The following ARHGEF3 variants were observed in gnomAD, a reference collection of about 807,000 sequenced individuals.
ARHGEF3 encodes Rho guanine nucleotide exchange factor 3.
ARHGEF3 carries 28 observed loss-of-function variants against 63.2 expected under a neutral mutation model. The observed-to-expected ratio is 0.44, with a 90% CI of 0.33 to 0.61. The LOEUF is 0.61. Among genes scored for constraint, ARHGEF3 ranks in the 20% least tolerant of loss-of-function variants. The pLI, the probability that ARHGEF3 is intolerant of heterozygous loss-of-function variation, is 0.03. For missense variants in ARHGEF3, 533 were observed against 659.3 expected, an observed-to-expected ratio of 0.81 and a Z score of 2.10; for synonymous variants, 266 against 254.2, an observed-to-expected ratio of 1.05 and a Z score of -0.44.
At chr3:56,871,223 C>T (rs1415661850) in intron 4 of ARHGEF3, among the ~76,000 whole-genome samples, 2 of 152,210 alleles carry the variant, frequency 1.3e-5, no homozygotes, top group African/African-American at 4.8e-5. Context: ...AAAATATTCA[C>T]TTTATATTTT....
At chr3:56,964,642 C>G (rs1003263755) in intron 2 of ARHGEF3, among the ~76,000 whole-genome samples, 1 of 152,134 alleles carries the variant, frequency 6.6e-6, no homozygotes, top group Non-Finnish European at 1.5e-5. Context: ...GCATTCAGAT[C>G]CACCCTGTTC....
At chr3:56,786,456 G>T (rs1476828697) in intron 1 of ARHGEF3, among the ~76,000 whole-genome samples, 3 of 152,154 alleles carry the variant, frequency 2.0e-5, no homozygotes, top group Non-Finnish European at 2.9e-5. Flanking sequence ...TTTGGGAGGG[G>T]TGTATGTGCA....
chr3:56,987,104 A>G (rs1196910803), intron 2 of ARHGEF3, among the ~76,000 whole-genome samples: 1 of 152,124 alleles, frequency 6.6e-6, no homozygotes, highest in East Asian at 1.9e-4. Context: ...CCCAGCTACT[A>G]GGAAGGCTAA....
At chr3:56,927,766 A>AAAAC (rs561256893) in intron 3 of ARHGEF3, among the ~76,000 whole-genome samples, 12 of 152,298 alleles carry the variant, frequency 7.9e-5, no homozygotes, top group African/African-American at 1.2e-4. Flanking sequence ...TGACCCATAA[A>AAAAC]AAACAAACAA....
chr3:56,846,482 T>C (rs1331548368), intron 4 of ARHGEF3, among the ~76,000 whole-genome samples: 1 of 152,174 alleles, frequency 6.6e-6, no homozygotes, highest in African/African-American at 2.4e-5. Flanking sequence ...AAACTTTTTT[T>C]AATAGATGTA....
At chr3:56,789,396 G>A (rs1363941013) in intron 1 of ARHGEF3, among the ~76,000 whole-genome samples, 1 of 152,190 alleles carries the variant, frequency 6.6e-6, no homozygotes, top group Non-Finnish European at 1.5e-5. Flanking sequence ...GTTCTTTGAC[G>A]CTTTGAAAAG....
rs57740672 is a variant in ARHGEF3 at position 56,992,375 on chromosome 3, T to TAAAAAAAAAA, written c.63-33496_63-33487dup. On this transcript the variant is annotated intron_variant, in intron 2 of 12. Transcript: ENST00000338458. ...GGTCCTATGGTAGGGAGGATGGCTTTAAAAAAAAAAAAAAAAAAAAAAAAA... is the reference window on the plus strand; with the variant it reads ...GGTCCTATGGTAGGGAGGATGGCTTTAAAAAAAAAAAAAAAAAAAAAAAAAAAAAAAAAAA... Among the ~76,000 whole-genome samples the TAAAAAAAAAA allele has an allele frequency of 1.0e-3, 46 of 46,146 alleles. 3 individuals are homozygous for TAAAAAAAAAA. The highest frequency in any genetic ancestry group is 1.3e-3 in the Non-Finnish European group (21 of 16,588). The allele number at this position is 46,146 out of a possible 152,430, so 30.3% of individuals were successfully genotyped here.
intron 4 of ARHGEF3, among the ~76,000 whole-genome samples, chr3:56,839,271 G>C: frequency 6.6e-6 from 1 of 151,942 alleles, no homozygotes; most frequent in Non-Finnish European, 1.5e-5. Context: ...ATATATTCTT[G>C]TGTATTAGTA....
chr3:56,994,064 CAAA>C (rs60299557), intron 2 of ARHGEF3, among the ~76,000 whole-genome samples: 37 of 59,722 alleles, frequency 6.2e-4, no homozygotes, highest in African/African-American at 2.1e-3. Context: ...AACTTCGTCT[CAAA>C]AAAAAAAAAA....
At chr3:56,949,710 G>A (rs1315491050) in intron 3 of ARHGEF3, among the ~76,000 whole-genome samples, 2 of 151,968 alleles carry the variant, frequency 1.3e-5, no homozygotes, top group Non-Finnish European at 2.9e-5. Flanking sequence ...ACTGCCCAAG[G>A]TAATTTATAG....
chr3:57,013,019 G>A (rs998963360), intron 2 of ARHGEF3, among the ~76,000 whole-genome samples: 1 of 152,192 alleles, frequency 6.6e-6, no homozygotes, highest in African/African-American at 2.4e-5. Flanking sequence ...GCCAGGCTGC[G>A]GAGGGTGCAC....
At chr3:56,909,256 AG>A (rs2041788999) in intron 3 of ARHGEF3, among the ~76,000 whole-genome samples, 1 of 152,252 alleles carries the variant, frequency 6.6e-6, no homozygotes, top group African/African-American at 2.4e-5. Context: ...TCAGGAAGGC[AG>A]AGGGCTAGTG....
At chr3:56,951,089 T>C (rs1464318857) in intron 3 of ARHGEF3, among the ~76,000 whole-genome samples, 5 of 149,688 alleles carry the variant, frequency 3.3e-5, no homozygotes, top group Non-Finnish European at 5.9e-5. Flanking sequence ...TGAGAACACA[T>C]GGACACAGGA....
At chr3:56,730,980 A>G (rs561507994) in intron 9 of ARHGEF3, among the ~76,000 whole-genome samples, 1 of 152,334 alleles carries the variant, frequency 6.6e-6, no homozygotes, top group East Asian at 1.9e-4. Context: ...TCTAACTTGT[A>G]AAATGGAGAA....
intron 2 of ARHGEF3, among the ~76,000 whole-genome samples, chr3:56,767,201 C>A (rs190112292): frequency 6.6e-6 from 1 of 151,562 alleles, no homozygotes; most frequent in East Asian, 1.9e-4. Flanking sequence ...ATGAAAAATA[C>A]TCTTCTATTG....
intron 3 of ARHGEF3, among the ~76,000 whole-genome samples, chr3:56,944,361 C>T (rs1699355039): frequency 6.6e-6 from 1 of 151,994 alleles, no homozygotes; most frequent in Non-Finnish European, 1.5e-5. Context: ...ATTAACAGGA[C>T]TTTGGAAGAA....
intron 1 of ARHGEF3, among the ~76,000 whole-genome samples, chr3:56,793,089 C>T (rs1332544601): frequency 1.3e-5 from 2 of 152,044 alleles, no homozygotes; most frequent in African/African-American, 2.4e-5. Flanking sequence ...CTGCTACCTC[C>T]GCCTCCCGAG....
chr3:56,968,151 TAAA>T (rs1177062312), intron 2 of ARHGEF3, among the ~76,000 whole-genome samples: 7 of 31,134 alleles, frequency 2.2e-4, no homozygotes, highest in Non-Finnish European at 3.6e-4. Context: ...ATAATATATA[TAAA>T]AATATATATT....
chr3:56,968,322 T>A (rs9845898), intron 2 of ARHGEF3, among the ~76,000 whole-genome samples: 2 of 53,884 alleles, frequency 3.7e-5, no homozygotes, highest in Non-Finnish European at 7.1e-5. Flanking sequence ...AAAATATATT[T>A]TATATATATA....
Sources: gnomAD v4.1 joint callset for allele counts (sites outside exome capture counted in the v4.1 genomes callset) on GRCh38, gnomAD v4.1.1 for gene constraint, MANE v1.5 for transcripts, NCBI Gene and HGNC (gene_info 2026-07-23, HGNC 2026-07-21) for gene names.